Variants in ST6GALNAC3 observed in about 807,000 individuals in gnomAD.
ST6GALNAC3 encodes alpha-N-acetylgalactosaminide alpha-2,6-sialyltransferase 3.
Under a neutral mutation model 32.7 loss-of-function variants are expected in ST6GALNAC3, and 25 were observed. The observed-to-expected ratio is 0.76, with a 90% CI of 0.56 to 1.07. The LOEUF (loss-of-function observed/expected upper bound fraction) is 1.07. Among genes scored for constraint, ST6GALNAC3 ranks in the 50% least tolerant of loss-of-function variants. The pLI, the probability that ST6GALNAC3 is intolerant of heterozygous loss-of-function variation, is 0.00. For synonymous variants in ST6GALNAC3, 129 were observed against 133.1 expected (o/e 0.97, Z 0.21); for missense variants, 355 against 382.4 (o/e 0.93, Z 0.60).
chr1:76,326,729 A>G (rs1647077627), intron 2 of ST6GALNAC3, among the ~76,000 whole-genome samples: 1 of 151,388 alleles, frequency 6.6e-6, no homozygotes, highest in African/African-American at 2.4e-5. Context: ...GATATGTGTA[A>G]CTATTTTAGC....
chr1:76,377,525 G>C (rs1172147675), intron 2 of ST6GALNAC3, among the ~76,000 whole-genome samples: 3 of 152,012 alleles, frequency 2.0e-5, no homozygotes, highest in Non-Finnish European at 2.9e-5. Flanking sequence ...TGTGAGAACT[G>C]TACCATGAGA....
At chr1:76,076,948 A>T (rs1173014188) in intron 1 of ST6GALNAC3, among the ~76,000 whole-genome samples, 1 of 151,810 alleles carries the variant, frequency 6.6e-6, no homozygotes, top group African/African-American at 2.4e-5. Flanking sequence ...TTCCCAGGTG[A>T]TGACTTTTAA....
chr1:76,101,115 G>A (rs1039645882), intron 1 of ST6GALNAC3, among the ~76,000 whole-genome samples: 16 of 152,044 alleles, frequency 1.1e-4, no homozygotes, highest in African/African-American at 3.9e-4. Flanking sequence ...ATTGTGTCAC[G>A]CAGAATAGTG....
At chr1:76,435,871 A>G (rs1281697606) in intron 3 of ST6GALNAC3, among the ~76,000 whole-genome samples, 3 of 150,076 alleles carry the variant, frequency 2.0e-5, no homozygotes, top group African/African-American at 7.4e-5. Flanking sequence ...TTTTTTTTTT[A>G]ATGTTTTATT....
At chr1:76,200,035 G>A (rs1269453730) in intron 1 of ST6GALNAC3, among the ~76,000 whole-genome samples, 1 of 152,120 alleles carries the variant, frequency 6.6e-6, no homozygotes, top group Non-Finnish European at 1.5e-5. Context: ...ATTTGTAGTG[G>A]GTTATCTCCT....
chr1:76,074,925 G>A (rs1646791439), intron 1 of ST6GALNAC3, 41 bp downstream of exon 1: 1 of 1,575,350 alleles, frequency 6.3e-7, no homozygotes, highest in Non-Finnish European at 8.6e-7. Flanking sequence ...TGGTTGGCCA[G>A]CCCCTTGCTG....
At chr1:76,289,621 G>C (rs913790464) in intron 1 of ST6GALNAC3, among the ~76,000 whole-genome samples, 1 of 152,218 alleles carries the variant, frequency 6.6e-6, no homozygotes, top group South Asian at 2.1e-4. Flanking sequence ...GAGGAAAAAA[G>C]TGGTCCAGAA....
intron 2 of ST6GALNAC3, among the ~76,000 whole-genome samples, chr1:76,367,063 A>G (rs1001249669): frequency 1.3e-5 from 2 of 152,214 alleles, no homozygotes; most frequent in African/African-American, 4.8e-5. Flanking sequence ...TAGACTACAG[A>G]AAAGAGAACA....
At chr1:76,478,979 G>A (rs997608662) in intron 3 of ST6GALNAC3, among the ~76,000 whole-genome samples, 12 of 151,824 alleles carry the variant, frequency 7.9e-5, no homozygotes, top group African/African-American at 2.9e-4. Flanking sequence ...TAGACAGGAT[G>A]GTCTCGATCT....
chr1:76,468,923 T>C (rs1298542587), intron 3 of ST6GALNAC3, among the ~76,000 whole-genome samples: 1 of 152,036 alleles, frequency 6.6e-6, no homozygotes, highest in Non-Finnish European at 1.5e-5. Flanking sequence ...TCTGAAGTCA[T>C]GCAGGAAAAA....
At chr1:76,606,582 G>A in intron 3 of ST6GALNAC3, among the ~76,000 whole-genome samples, 1 of 151,994 alleles carries the variant, frequency 6.6e-6, no homozygotes, top group Non-Finnish European at 1.5e-5. Flanking sequence ...GGGGGAGGAG[G>A]GAGAGCATCA....
intron 3 of ST6GALNAC3, among the ~76,000 whole-genome samples, chr1:76,462,084 TC>T (rs1365444072): frequency 6.6e-6 from 1 of 152,010 alleles, no homozygotes; most frequent in African/African-American, 2.4e-5. Flanking sequence ...GCTGTTGTCA[TC>T]GATATGGCAA....
chr1:76,263,844 C>A (rs1017688284), intron 1 of ST6GALNAC3, among the ~76,000 whole-genome samples: 2 of 151,986 alleles, frequency 1.3e-5, no homozygotes, highest in Admixed American at 1.3e-4. Context: ...TTTTTTTAAG[C>A]CTTTTATCTG....
chr1:76,327,443 G>A (rs906427592), intron 2 of ST6GALNAC3, among the ~76,000 whole-genome samples: 1 of 152,090 alleles, frequency 6.6e-6, no homozygotes, highest in African/African-American at 2.4e-5. Flanking sequence ...CGATCTGCTG[G>A]CAGAATTCCT....
chr1:76,321,946 T>G (rs1646975266), intron 2 of ST6GALNAC3, among the ~76,000 whole-genome samples: 2 of 152,194 alleles, frequency 1.3e-5, no homozygotes, highest in South Asian at 4.1e-4. Flanking sequence ...ACATTTTTTA[T>G]TGATGAAAAA....
chr1:76,266,154 G>A lies in ST6GALNAC3; in HGVS notation c.19-47651G>A, dbSNP rs904341570. On this transcript the variant is annotated intron_variant, in intron 1 of 4. Transcript: ENST00000328299. ...TGTTGAATTTATTTATTAATTCACCGTATGTTATTGGGCACCTTCTCTTTG... is the reference window on the plus strand; with the variant it reads ...TGTTGAATTTATTTATTAATTCACCATATGTTATTGGGCACCTTCTCTTTG... Among the ~76,000 whole-genome samples, 9 of 152,178 alleles carry A rather than the reference G, an allele frequency of 5.9e-5. No homozygotes were observed. The South Asian group carries it at 6.2e-4, about 11-fold the overall frequency.
intron 1 of ST6GALNAC3, among the ~76,000 whole-genome samples, chr1:76,184,192 G>A (rs1182494851): frequency 1.3e-5 from 2 of 152,036 alleles, no homozygotes; most frequent in Non-Finnish European, 2.9e-5. Flanking sequence ...GAGAGGATCA[G>A]TTCTGCTTTA....
At chr1:76,415,047 T>A (rs900235364) in intron 3 of ST6GALNAC3, among the ~76,000 whole-genome samples, 17 of 152,058 alleles carry the variant, frequency 1.1e-4, no homozygotes, top group African/African-American at 4.1e-4. Flanking sequence ...TGCCTGTTGT[T>A]GAAAAAACCT....
At chr1:76,252,643 G>A (rs1440125079) in intron 1 of ST6GALNAC3, among the ~76,000 whole-genome samples, 2 of 151,998 alleles carry the variant, frequency 1.3e-5, no homozygotes, top group African/African-American at 4.8e-5. Flanking sequence ...GCCAATGAAC[G>A]GCAGTTGTAC....
Sources: allele counts gnomAD v4.1 joint callset (sites outside exome capture counted in the v4.1 genomes callset), GRCh38; gene constraint gnomAD v4.1.1; transcripts MANE v1.5; gene names NCBI Gene and HGNC (gene_info 2026-07-23, HGNC 2026-07-21).